The following PHKB variants were observed in gnomAD, a reference collection of about 807,000 sequenced individuals.
PHKB encodes phosphorylase kinase regulatory subunit beta, also known as phosphorylase b kinase regulatory subunit beta.
In PHKB, 122 loss-of-function variants were observed where a neutral mutation model predicts 152.1. That is an observed-to-expected ratio of 0.80 (90% CI 0.69 to 0.93). The LOEUF is 0.93. PHKB is among the 40% of genes least tolerant of loss of function. The pLI is 0.00. For missense variants in PHKB, 1,304 were observed against 1,328.4 expected (o/e 0.98, Z 0.29); for synonymous variants, 436 against 464.9 (o/e 0.94, Z 0.80).
chr16:47,511,624 T>G (rs543751481), intron 4 of PHKB, 41 bp from the exon 5 acceptor site: 1 of 1,326,540 alleles, frequency 7.5e-7, no homozygotes, highest in Admixed American at 1.7e-5. Flanking sequence ...TGGATAAGTT[T>G]ATGAATTACT....
chr16:47,576,325 T>A (rs780897216), intron 7 of PHKB, among the ~76,000 whole-genome samples: 7 of 152,254 alleles, frequency 4.6e-5, no homozygotes, highest in Non-Finnish European at 8.8e-5. Context: ...TATTTTGTTT[T>A]GCTTTAGCCA....
At chr16:47,574,039 C>T (rs1971708902) in intron 7 of PHKB, among the ~76,000 whole-genome samples, 2 of 152,204 alleles carry the variant, frequency 1.3e-5, no homozygotes, top group Admixed American at 1.3e-4. Context: ...CCTGTCTCAG[C>T]CTCCTGAGTA....
At chr16:47,529,772 G>A (rs1227091085) in intron 6 of PHKB, 3 of 152,066 alleles carry the variant, frequency 2.0e-5, no homozygotes, top group African/African-American at 7.3e-5. Context: ...TAAAAATCAG[G>A]GTTTTATTAT....
intron 28 of PHKB, among the ~76,000 whole-genome samples, chr16:47,695,657 C>T (rs117267504): frequency 6.6e-6 from 1 of 152,170 alleles, no homozygotes; most frequent in South Asian, 2.1e-4. Context: ...TCATTTCTGC[C>T]TCTCTGGTAA....
intron 8 of PHKB, among the ~76,000 whole-genome samples, chr16:47,583,097 A>G (rs892038762): frequency 6.6e-5 from 10 of 152,182 alleles, no homozygotes; most frequent in Non-Finnish European, 1.5e-4. Flanking sequence ...ACGCCGGGCC[A>G]TGTCTTATTT....
chr16:47,662,448 C>A (rs1317105356), intron 23 of PHKB, among the ~76,000 whole-genome samples: 2 of 152,060 alleles, frequency 1.3e-5, no homozygotes, highest in Non-Finnish European at 2.9e-5. Flanking sequence ...TCTAGCTATT[C>A]AAAAATGTTT....
At chr16:47,641,398 A>G (rs987006043) in intron 15 of PHKB, among the ~76,000 whole-genome samples, 10 of 152,322 alleles carry the variant, frequency 6.6e-5, no homozygotes, top group African/African-American at 2.2e-4. Context: ...CCTCCCTGTC[A>G]GCCCCTAATG....
At chr16:47,548,894 G>A (rs1458465923) in intron 7 of PHKB, among the ~76,000 whole-genome samples, 1 of 152,156 alleles carries the variant, frequency 6.6e-6, no homozygotes, top group Non-Finnish European at 1.5e-5. Flanking sequence ...GCATTTGAAT[G>A]TGTAGCATAA....
intron 26 of PHKB, among the ~76,000 whole-genome samples, chr16:47,674,763 A>G (rs537992340): frequency 6.6e-5 from 10 of 152,316 alleles, no homozygotes; most frequent in African/African-American, 2.4e-4. Flanking sequence ...GCCAGTGAAT[A>G]TGCACTGAAC....
rs1422409538 is a variant in PHKB at position 47,511,777 on chromosome 16, A to G, written c.513+5A>G. ...GAGGAATATGGTCATCTTCAGGTAA[A>G]AAGAGATTATACATTTTATTCTCCT... is the stretch of plus-strand genomic sequence containing the variant. On this transcript the variant is annotated splice_donor_5th_base_variant and intron_variant, in intron 5 of 30. Coordinates refer to ENST00000323584, the MANE Select transcript of PHKB (RefSeq NM_000293.3). The G allele has an allele frequency of 6.7e-7, 1 of 1,488,912 alleles. No individual in the cohort carries two copies. Among genetic ancestry groups the G allele is most frequent in the Non-Finnish European group, 9.4e-7 (1 of 1,065,818 alleles). The allele number at this position is 1,488,912 out of a possible 1,614,324, so 92.2% of individuals were successfully genotyped here. A position where few individuals can be genotyped will look rare whatever the true frequency, so the allele number is the denominator to read the frequency against.
intron 24 of PHKB, 74 bp from the exon 25 acceptor site, chr16:47,664,811 T>G (rs1973508837): frequency 1.1e-6 from 1 of 879,502 alleles, no homozygotes; most frequent in Non-Finnish European, 1.9e-6. Context: ...ATGCTGACTG[T>G]TATGTTTGGA....
intron 26 of PHKB, among the ~76,000 whole-genome samples, chr16:47,686,662 G>A (rs1488588726): frequency 2.6e-5 from 4 of 152,124 alleles, no homozygotes; most frequent in African/African-American, 9.7e-5. Context: ...AGTATATAAT[G>A]ACTTATTTGG....
chr16:47,567,217 A>G (rs1488761949), intron 7 of PHKB, among the ~76,000 whole-genome samples: 1 of 151,762 alleles, frequency 6.6e-6, no homozygotes, highest in African/African-American at 2.4e-5. Context: ...GATTCTTCCA[A>G]TCCCTGAGCA....
chr16:47,531,564 A>C lies in PHKB; in HGVS notation c.595-15869A>C, dbSNP rs1203020135. Among the ~76,000 whole-genome samples, 4 of 152,342 alleles carry C rather than the reference A, an allele frequency of 2.6e-5. No individual in the cohort carries two copies. The East Asian group carries it at 5.8e-4, about 22-fold the overall frequency. ...AAATACTGTATTTTTAATAAAAATA[A>C]CTTTTCCAAAATAAAAATAATTGAG... On this transcript the variant is annotated intron_variant, in intron 6 of 30. Transcript: ENST00000323584.
At chr16:47,547,402 T>G (rs1971191621) in intron 6 of PHKB, 31 bp from the exon 7 acceptor site, 1 of 1,344,432 alleles carries the variant, frequency 7.4e-7, no homozygotes, top group Non-Finnish European at 1.1e-6. Context: ...TTATTGAGTA[T>G]GTCCTTATGT....
At position 47,530,132 on chromosome 16, in the gene PHKB, CTTTTTTTTTT is replaced by C. The variant is rs201960518; in HGVS notation, c.594+14542_594+14551del. On this transcript the variant is annotated intron_variant, in intron 6 of 30. Transcript: ENST00000323584. ...AAGGAGATACTGATTATATAAACTC[CTTTTTTTTTT>C]TTTTTTTTTTCCAGACAGAGTCTTG... Among the ~76,000 whole-genome samples, 22 of 129,726 alleles carry C rather than the reference CTTTTTTTTTT, an allele frequency of 1.7e-4. 1 individual carries two copies. The East Asian group carries it at 4.5e-3, about 27-fold the overall frequency. 85.1% of individuals were successfully genotyped at this position (129,726 alleles called of 152,430 possible).
At chr16:47,635,223 T>C (rs1243866705) in intron 14 of PHKB, among the ~76,000 whole-genome samples, 1 of 152,162 alleles carries the variant, frequency 6.6e-6, no homozygotes, top group Non-Finnish European at 1.5e-5. Flanking sequence ...TGCGCATGTT[T>C]GAATCTCCAT....
Position 47,490,727 on chromosome 16 carries a change from T to G in PHKB, c.77-6672T>G, listed in dbSNP as rs562893228. On this transcript the variant is annotated intron_variant, in intron 1 of 30. Coordinates refer to ENST00000323584, the MANE Select transcript of PHKB (RefSeq NM_000293.3). ...AAATTATTTGACTGAGAAATTTTAA[T>G]GAAGCAAAAACCTTTTATAACCCTT... Among the ~76,000 whole-genome samples, 8 of 152,354 alleles carry G rather than the reference T, an allele frequency of 5.3e-5. No individual in the cohort carries two copies. In the South Asian group the frequency reaches 1.7e-3, roughly 32 times the overall value.
At chr16:47,515,734 T>A (rs1201833605) in intron 6 of PHKB, 133 bp downstream of exon 6, 2 of 655,140 alleles carry the variant, frequency 3.1e-6, no homozygotes, top group Non-Finnish European at 5.4e-6. Context: ...AGATAGTAGA[T>A]GTTGGTTGTT....
Sources: gnomAD v4.1 joint callset for allele counts (sites outside exome capture counted in the v4.1 genomes callset) on GRCh38, gnomAD v4.1.1 for gene constraint, MANE v1.5 for transcripts, NCBI Gene and HGNC (gene_info 2026-07-23, HGNC 2026-07-21) for gene names.